The following CWF19L2 variants were observed in gnomAD, a reference collection of about 807,000 sequenced individuals.
The protein encoded by CWF19L2 is CWF19-like protein 2.
A neutral mutation model predicts 111.7 loss-of-function variants in CWF19L2; 98 were observed. That is an observed-to-expected ratio of 0.88 (90% CI 0.75 to 1.04). The LOEUF (loss-of-function observed/expected upper bound fraction) is 1.04. Ranked by LOEUF, CWF19L2 falls within the 50% of genes least tolerant of loss-of-function variation. CWF19L2 has a pLI of 0.00. For missense variants in CWF19L2, 1,101 were observed against 1,051.4 expected, an observed-to-expected ratio of 1.05 and a Z score of -0.65; for synonymous variants, 351 against 342.9, an observed-to-expected ratio of 1.02 and a Z score of -0.26.
At chr11:107,387,419 C>T (rs374933625) in intron 12 of CWF19L2, among the ~76,000 whole-genome samples, 15 of 150,880 alleles carry the variant, frequency 9.9e-5, no homozygotes, top group African/African-American at 3.7e-4. Flanking sequence ...AAAATATAAA[C>T]CAAATCATGA....
At chr11:107,396,991 G>A (rs1192916608) in intron 10 of CWF19L2, among the ~76,000 whole-genome samples, 2 of 152,212 alleles carry the variant, frequency 1.3e-5, no homozygotes, top group African/African-American at 4.8e-5. Context: ...CAGGGGTAGA[G>A]GAAGGAGCAG....
In CWF19L2 at chr11:107,329,918, C is replaced by T; in HGVS notation, c.2541G>A (p.Lys847=). The change falls in exon 17 of 18, where the codon AAG becomes AAA. Residue 847 remains lysine, a splice_region_variant and synonymous_variant. Coordinates refer to ENST00000282251, the MANE Select transcript of CWF19L2 (RefSeq NM_152434.3). ...DQHKFPHYFG[K]EIIGGMLDIE... ...GATTTTATCAAATTTGTAAGCCTAC[C>T]TTTCCAAAGTAATGAGGGAATTTGT... 1 of 1,555,828 alleles carries T rather than the reference C, an allele frequency of 6.4e-7. No homozygotes were observed. The highest frequency in any genetic ancestry group is 8.7e-7 in the Non-Finnish European group (1 of 1,154,490).
At position 107,433,989 on chromosome 11, in the gene CWF19L2, A is replaced by T. The variant is rs575644165; in HGVS notation, c.665-240T>A. On this transcript the variant is annotated intron_variant, in intron 6 of 17. Coordinates refer to ENST00000282251, the MANE Select transcript of CWF19L2 (RefSeq NM_152434.3). ...GAAGGAAAAGAAAAATAAAACTATA[A>T]GAAAATTGCAATCTAAGAGAATAAG... 2.0e-5 allele frequency among the ~76,000 whole-genome samples: 3 copies of T among 149,372 alleles called. No homozygotes were observed. The East Asian group carries it at 5.9e-4, about 29-fold the overall frequency.
At position 107,374,176 on chromosome 11, in the gene CWF19L2, A is replaced by C. The variant is rs1395529347; in HGVS notation, c.1872+15898T>G. On this transcript the variant is annotated intron_variant, in intron 12 of 17. Coordinates refer to ENST00000282251, the MANE Select transcript of CWF19L2 (RefSeq NM_152434.3). ...ACCTGAAAGTGACGGGGAGAATGGA[A>C]CCAAGTTGGAAAACACTCTGCAGGA... 3.7e-5 allele frequency among the ~76,000 whole-genome samples: 5 copies of C among 133,550 alleles called. 1 individual carries two copies. The highest frequency in any genetic ancestry group is 6.3e-5 in the Non-Finnish European group (4 of 63,498). 87.6% of individuals were successfully genotyped at this position (133,550 alleles called of 152,430 possible).
chr11:107,409,581 A>G (rs1372781651), intron 10 of CWF19L2, among the ~76,000 whole-genome samples: 1 of 152,132 alleles, frequency 6.6e-6, no homozygotes, highest in Non-Finnish European at 1.5e-5. Context: ...ATGTGACTCC[A>G]TTGAAGGATT....
intron 10 of CWF19L2, 128 bp from the exon 11 acceptor site, chr11:107,393,023 C>T (rs917449185): frequency 3.4e-6 from 2 of 590,296 alleles, no homozygotes; most frequent in African/African-American, 2.0e-5. Flanking sequence ...CTTAAATCTC[C>T]TGGATTTTCA....
At chr11:107,390,269 T>C in intron 11 of CWF19L2, 58 bp from the exon 12 acceptor site, 1 of 1,316,896 alleles carries the variant, frequency 7.6e-7, no homozygotes, top group Admixed American at 2.5e-5. Context: ...AAGTATTTCT[T>C]GATGGATTAC....
In CWF19L2 at chr11:107,326,441, C is replaced by T. The variant is rs1859761811; in HGVS notation, c.*469G>A. 1 of 152,314 alleles carries T rather than the reference C, an allele frequency of 6.6e-6. No homozygotes were observed. The highest frequency in any genetic ancestry group is 1.5e-5 in the Non-Finnish European group (1 of 68,164). The allele number at this position is 152,314 out of a possible 1,614,324, so 9.4% of individuals were successfully genotyped here. On this transcript the variant is annotated 3_prime_UTR_variant, in exon 18 of 18. Transcript: ENST00000282251. Reference sequence around the variant, plus strand: ...AAAAGAATAGAAGTGATACTATATACTGCTAGTAGAAAATTAAGAGCTTTT... The same window carrying T: ...AAAAGAATAGAAGTGATACTATATATTGCTAGTAGAAAATTAAGAGCTTTT...
intron 14 of CWF19L2, among the ~76,000 whole-genome samples, chr11:107,343,661 C>A (rs1860037511): frequency 6.6e-6 from 1 of 151,602 alleles, no homozygotes; most frequent in African/African-American, 2.4e-5. Flanking sequence ...CTCTTGCCTT[C>A]CGATGGTTAT....
At position 107,442,693 on chromosome 11, in the gene CWF19L2, TGAAAGAGA is replaced by T. The variant is rs1433167880; in HGVS notation, c.450+238_450+245del. On this transcript the variant is annotated intron_variant, in intron 4 of 17. Transcript: ENST00000282251. The stretch of plus-strand genomic sequence containing the variant: ...AGTGAGACCCTGTCTCTAAAATGAA[TGAAAGAGA>T]GAAAGAGAGAGAGAGAGAGAAAGAG... 1.3e-3 allele frequency among the ~76,000 whole-genome samples: 149 copies of T among 112,972 alleles called. 4 individuals are homozygous for T. The highest frequency in any genetic ancestry group is 0.011 in the East Asian group (46 of 4,078). 74.1% of individuals were successfully genotyped at this position (112,972 alleles called of 152,430 possible).
intron 10 of CWF19L2, among the ~76,000 whole-genome samples, chr11:107,398,287 C>T (rs1401924513): frequency 3.3e-5 from 5 of 152,024 alleles, no homozygotes; most frequent in Non-Finnish European, 5.9e-5. Flanking sequence ...AAACATGATA[C>T]AAGACGTGAA....
intron 10 of CWF19L2, among the ~76,000 whole-genome samples, chr11:107,415,030 C>T (rs1486138603): frequency 6.6e-6 from 1 of 152,154 alleles, no homozygotes; most frequent in Admixed American, 6.6e-5. Flanking sequence ...TTTCTCACCA[C>T]CTCAGTCAGA....
rs369574894 is a variant in CWF19L2, at chr11:107,416,352, G to A, written c.1528-54C>T. ...TGCGATATGTAGTTTAATTCTTTACGACAAAATGTTCAAATTTACACAACA... is the reference window on the plus strand; with the variant it reads ...TGCGATATGTAGTTTAATTCTTTACAACAAAATGTTCAAATTTACACAACA... On this transcript the variant is annotated intron_variant, in intron 9 of 17. Coordinates refer to ENST00000282251, the MANE Select transcript of CWF19L2 (RefSeq NM_152434.3). 79 of 749,222 alleles carry A rather than the reference G, an allele frequency of 1.1e-4. 1 individual carries two copies. The African/African-American group carries it at 1.2e-3, about 11-fold the overall frequency. The allele number at this position is 749,222 out of a possible 1,614,324, so 46.4% of individuals were successfully genotyped here. A position where few individuals can be genotyped will look rare whatever the true frequency, so the allele number is the denominator to read the frequency against.
chr11:107,433,880 TTATATATATATATATA>T (rs61304388), intron 6 of CWF19L2, 131 bp from the exon 7 acceptor site: 16,095 of 122,274 alleles, frequency 0.13, 1,109 homozygotes, highest in Middle Eastern at 0.17. Context: ...CTTTGGAATT[TTATATATATATATATA>T]TATATATATA....
At chr11:107,440,226 C>T (rs2083677133) in intron 5 of CWF19L2, among the ~76,000 whole-genome samples, 1 of 152,118 alleles carries the variant, frequency 6.6e-6, no homozygotes, top group African/African-American at 2.4e-5. Context: ...AAAATGCTTC[C>T]TACAAGAAGT....
intron 14 of CWF19L2, among the ~76,000 whole-genome samples, chr11:107,338,060 T>A (rs527586923): frequency 6.6e-6 from 1 of 152,220 alleles, no homozygotes; most frequent in Admixed American, 6.5e-5. Flanking sequence ...TACTTTCTCT[T>A]CTCCTTTTAT....
intron 10 of CWF19L2, among the ~76,000 whole-genome samples, chr11:107,414,411 C>T (rs1441966072): frequency 6.6e-6 from 1 of 152,036 alleles, no homozygotes; most frequent in Non-Finnish European, 1.5e-5. Flanking sequence ...CTCAGCTGTT[C>T]AACTTCTAAC....
chr11:107,333,370 C>T (rs1859877534), intron 16 of CWF19L2, among the ~76,000 whole-genome samples: 1 of 152,148 alleles, frequency 6.6e-6, no homozygotes, highest in East Asian at 1.9e-4. Flanking sequence ...AGATACTAGA[C>T]ATTTCACCAG....
chr11:107,425,177 GAA>G (rs1269787118), intron 8 of CWF19L2, among the ~76,000 whole-genome samples: 3 of 102,920 alleles, frequency 2.9e-5, no homozygotes, highest in Non-Finnish European at 5.8e-5. Context: ...TACTCTCTTT[GAA>G]ACACACACAC....
Sources: gnomAD v4.1 joint callset for allele counts (sites outside exome capture counted in the v4.1 genomes callset) on GRCh38, gnomAD v4.1.1 for gene constraint, MANE v1.5 for transcripts, NCBI Gene and HGNC (gene_info 2026-07-23, HGNC 2026-07-21) for gene names.